Variants in TSHZ1 observed in about 807,000 individuals in gnomAD.
TSHZ1 encodes teashirt homolog 1.
A neutral mutation model predicts 67.1 loss-of-function variants in TSHZ1; 12 were observed. That is an observed-to-expected ratio of 0.18 (90% confidence interval 0.11 to 0.29). TSHZ1 has a LOEUF of 0.29. Ranked by LOEUF, TSHZ1 falls within the 10% of genes least tolerant of loss-of-function variation. TSHZ1 has a pLI of 1.00. For missense variants in TSHZ1, 1,305 were observed against 1,413.9 expected (o/e 0.92, Z 1.23); for synonymous variants, 632 against 622.4 (o/e 1.02, Z -0.23).
Position 75,286,066 on chromosome 18 carries a change from C to T in TSHZ1, c.659C>T (p.Pro220Leu). The T allele has an allele frequency of 6.2e-7, 1 of 1,613,448 alleles. No individual in the cohort carries two copies. Among genetic ancestry groups the T allele is most frequent in the Non-Finnish European group, 8.5e-7 (1 of 1,179,696 alleles). The change falls in exon 2 of 2, where the codon CCC (proline) becomes CTC (leucine). Residue 220 changes from proline (P) to leucine (L), a missense_variant. Pro to Leu is a moderately conservative substitution (Grantham distance 98, BLOSUM62 -3). Transcript: ENST00000580243. This position sits in a 1 kb window ranked among gnomAD's most constrained non-coding sequence, Gnocchi z 5.1. ...TCCTCGTATGGGCTGCTTCCTGAGC[C>T]CAGCCTGTTCAGCACCGTGCAGCTC... is the stretch of plus-strand genomic sequence containing the variant. ...QTSSYGLLPEPSLFSTVQLYR... is the reference protein window; with the variant it reads ...QTSSYGLLPELSLFSTVQLYR...
chr18:75,227,641 C>T (rs555798561), intron 1 of TSHZ1, among the ~76,000 whole-genome samples: 1 of 152,144 alleles, frequency 6.6e-6, no homozygotes, highest in Non-Finnish European at 1.5e-5. Flanking sequence ...GTTATTGTTT[C>T]TCTCATCCCC....
Position 75,285,870 on chromosome 18 carries a change from G to GCGCCC in TSHZ1, c.464_465insGCCCC (p.Thr157ProfsTer107). 6.3e-6 allele frequency: 10 copies of GCGCCC among 1,581,516 alleles called. No individual in the cohort carries two copies. The highest frequency in any genetic ancestry group is 6.0e-6 in the Non-Finnish European group (7 of 1,163,026). ...CGATGCCAGCCAGAAGGAGAGCTCC[G>GCGCCC]CCCCCACCCCCACACCCCCCACCTG... On this transcript the variant is annotated frameshift_variant, in exon 2 of 2. Coordinates refer to ENST00000580243, the MANE Select transcript of TSHZ1 (RefSeq NM_001308210.2). LOFTEE classifies it high-confidence loss of function.
intron 1 of TSHZ1, among the ~76,000 whole-genome samples, chr18:75,277,128 A>G (rs182808460): frequency 1.3e-3 from 202 of 152,304 alleles, no homozygotes; most frequent in South Asian, 3.1e-3. Flanking sequence ...GAAGAACAAG[A>G]AGGGCCCAGC....
intron 1 of TSHZ1, among the ~76,000 whole-genome samples, chr18:75,237,134 C>T (rs552375012): frequency 1.3e-5 from 2 of 152,268 alleles, no homozygotes; most frequent in Non-Finnish European, 2.9e-5. Flanking sequence ...GCCAAAGGAT[C>T]CTGAGATCTG....
In TSHZ1 at chr18:75,279,606, A is replaced by G. The variant is rs372017015; in HGVS notation, c.41-5842A>G. 2.0e-5 allele frequency among the ~76,000 whole-genome samples: 3 copies of G among 152,216 alleles called. No homozygotes were observed. In the East Asian group the frequency reaches 5.8e-4, roughly 29 times the overall value. On this transcript the variant is annotated intron_variant, in intron 1 of 1. Coordinates refer to ENST00000580243, the MANE Select transcript of TSHZ1 (RefSeq NM_001308210.2). ...TGGGAGGCGGCCACTGTGGTTGGGGACCTGGGGGACCTGGGGCAGAGCAGC... is the reference window on the plus strand; with the variant it reads ...TGGGAGGCGGCCACTGTGGTTGGGGGCCTGGGGGACCTGGGGCAGAGCAGC...
chr18:75,269,308 TTGTTCCAGGCACC>T (rs2023529076), intron 1 of TSHZ1, among the ~76,000 whole-genome samples: 1 of 152,236 alleles, frequency 6.6e-6, no homozygotes, highest in Non-Finnish European at 1.5e-5. Context: ...AACAGCTACT[TTGTTCCAGGCACC>T]ATGTTAGCTG....
intron 1 of TSHZ1, among the ~76,000 whole-genome samples, chr18:75,216,179 T>A (rs548726756): frequency 2.0e-5 from 3 of 152,360 alleles, no homozygotes; most frequent in East Asian, 1.9e-4. Flanking sequence ...ATCTTTTTTT[T>A]AATTGTAGGC....
chr18:75,265,848 G>A (rs1163975704), intron 1 of TSHZ1, among the ~76,000 whole-genome samples: 1 of 151,972 alleles, frequency 6.6e-6, no homozygotes, highest in African/African-American at 2.4e-5. Context: ...CACCTAAAAG[G>A]CAATAAAGTA....
Position 75,286,505 on chromosome 18 carries a change from G to C in TSHZ1, c.1098G>C (p.Glu366Asp). The C allele has an allele frequency of 6.2e-7, 1 of 1,614,192 alleles. No individual in the cohort carries two copies. The highest frequency in any genetic ancestry group is 8.5e-7 in the Non-Finnish European group (1 of 1,180,040). ...ACCTGGCGCCCCCCTGCTCCCCTGAGCCAGCAGGAATGGCCGCAGAGGTGG... is the reference window on the plus strand; with the variant it reads ...ACCTGGCGCCCCCCTGCTCCCCTGACCCAGCAGGAATGGCCGCAGAGGTGG... Reference protein sequence around the residue: ...LQDLAPPCSPEPAGMAAEVAL... With the variant: ...LQDLAPPCSPDPAGMAAEVAL... Residue 366 changes from glutamate to aspartate, a missense_variant, in exon 2 of 2, where the codon GAG becomes GAC. This residue lies in a region of TSHZ1 where 909 missense variants were observed against 961.8 expected (regional missense o/e 0.95). Coordinates refer to ENST00000580243, the MANE Select transcript of TSHZ1 (RefSeq NM_001308210.2). This position sits in a 1 kb window ranked among gnomAD's most constrained non-coding sequence, Gnocchi z 5.1.
intron 1 of TSHZ1, among the ~76,000 whole-genome samples, chr18:75,222,017 G>A (rs2022851529): frequency 6.6e-6 from 1 of 152,180 alleles, no homozygotes; most frequent in African/African-American, 2.4e-5. Flanking sequence ...TTCTAAGTCA[G>A]CCAGGAAGTG....
intron 1 of TSHZ1, among the ~76,000 whole-genome samples, chr18:75,254,095 T>A (rs1038346316): frequency 3.3e-5 from 5 of 152,236 alleles, no homozygotes; most frequent in African/African-American, 1.2e-4. Flanking sequence ...GTAAAATATT[T>A]TCCCCTTTTT....
At chr18:75,249,832 C>T (rs527308166) in intron 1 of TSHZ1, among the ~76,000 whole-genome samples, 27 of 148,594 alleles carry the variant, frequency 1.8e-4, no homozygotes, top group Non-Finnish European at 3.7e-4. Flanking sequence ...CCTCACCTCA[C>T]CCCTGTAGTA....
rs572949427 is a variant in TSHZ1 at position 75,250,303 on chromosome 18, C to G, written c.41-35145C>G. ...GGGTACTCTCCCAGCCTCCACGCTC[C>G]ACGCCCACACCCTCGCCCCACTTGC... On this transcript the variant is annotated intron_variant, in intron 1 of 1. Coordinates refer to ENST00000580243, the MANE Select transcript of TSHZ1 (RefSeq NM_001308210.2). Among the ~76,000 whole-genome samples the G allele has an allele frequency of 9.8e-5, 15 of 152,296 alleles. No individual in the cohort carries two copies. In the South Asian group the frequency reaches 2.7e-3, roughly 27 times the overall value.
chr18:75,282,641 G>A (rs1037746184), intron 1 of TSHZ1, among the ~76,000 whole-genome samples: 6 of 152,158 alleles, frequency 3.9e-5, no homozygotes, highest in African/African-American at 1.4e-4. Flanking sequence ...AGCCATTCAG[G>A]GAGAGAGCTG....
At position 75,286,030 on chromosome 18, in the gene TSHZ1, T is replaced by C; in HGVS notation, c.623T>C (p.Leu208Pro). 1 of 1,612,478 alleles carries C rather than the reference T, an allele frequency of 6.2e-7. No individual in the cohort carries two copies. The highest frequency in any genetic ancestry group is 1.1e-5 in the South Asian group (1 of 90,800). Residue 208 changes from leucine (L) to proline (P), a missense_variant, in exon 2 of 2, where the codon CTG (leucine) becomes CCG (proline). Coordinates refer to ENST00000580243, the MANE Select transcript of TSHZ1 (RefSeq NM_001308210.2). The surrounding 1 kb of genome is among the most constrained non-coding windows in gnomAD (Gnocchi z 5.1). ...CACCAGGCTGCACTGGCCAAGACGC[T>C]GCAGCAGACGTCCTCGTATGGGCTG... is the stretch of plus-strand genomic sequence containing the variant. Reference protein sequence around the residue: ...DWHQAALAKTLQQTSSYGLLP... With the variant: ...DWHQAALAKTPQQTSSYGLLP...
At chr18:75,234,802 T>A in intron 1 of TSHZ1, among the ~76,000 whole-genome samples, 1 of 152,204 alleles carries the variant, frequency 6.6e-6, no homozygotes, top group East Asian at 1.9e-4. Context: ...ATATTTTTCC[T>A]CCTCCCATTT....
chr18:75,286,511 A>G lies in TSHZ1; in HGVS notation c.1104A>G (p.Ala368=). The G allele has an allele frequency of 6.2e-7, 1 of 1,614,220 alleles. No individual in the cohort carries two copies. Among genetic ancestry groups the G allele is most frequent in the South Asian group, 1.1e-5 (1 of 91,088 alleles). The change falls in exon 2 of 2, where the codon GCA becomes GCG. Residue 368 remains alanine (A), a synonymous_variant. Coordinates refer to ENST00000580243, the MANE Select transcript of TSHZ1 (RefSeq NM_001308210.2). This position sits in a 1 kb window ranked among gnomAD's most constrained non-coding sequence, Gnocchi z 5.1. The part of the protein sequence containing the change: ...DLAPPCSPEP[A]GMAAEVALSE... Reference sequence around the variant, plus strand: ...CGCCCCCCTGCTCCCCTGAGCCAGCAGGAATGGCCGCAGAGGTGGCCCTGA... The same window carrying G: ...CGCCCCCCTGCTCCCCTGAGCCAGCGGGAATGGCCGCAGAGGTGGCCCTGA...
At chr18:75,279,241 A>G (rs1440862861) in intron 1 of TSHZ1, among the ~76,000 whole-genome samples, 1 of 152,206 alleles carries the variant, frequency 6.6e-6, no homozygotes, top group African/African-American at 2.4e-5. Flanking sequence ...GCTTCCTCGC[A>G]TCTCTTGTAA....
At chr18:75,213,491 T>G (rs1358353892) in intron 1 of TSHZ1, among the ~76,000 whole-genome samples, 6 of 152,178 alleles carry the variant, frequency 3.9e-5, no homozygotes, top group African/African-American at 1.4e-4. Flanking sequence ...AATGACAGAA[T>G]GTACAATAAA....
Sources: gnomAD v4.1 joint callset for allele counts (sites outside exome capture counted in the v4.1 genomes callset) on GRCh38, gnomAD v4.1.1 for gene constraint, gnomAD v4.1.1 regional missense constraint, Gnocchi (gnomAD v3.1) non-coding constraint, MANE v1.5 for transcripts, NCBI Gene and HGNC (gene_info 2026-07-23, HGNC 2026-07-21) for gene names.